The following ABHD12 variants were observed in gnomAD, a reference collection of about 807,000 sequenced individuals.
ABHD12 encodes the protein abhydrolase domain containing 12, lysophospholipase, also known as lysophosphatidylserine lipase ABHD12.
A neutral mutation model predicts 58.3 loss-of-function variants in ABHD12; 43 were observed. The observed-to-expected ratio is 0.74, with a 90% CI of 0.58 to 0.95. The LOEUF (loss-of-function observed/expected upper bound fraction) is 0.95, where lower values mean the gene tolerates loss of function less well. Among genes scored for constraint, ABHD12 ranks in the 40% least tolerant of loss-of-function variants. ABHD12 has a pLI of 0.00. For missense variants in ABHD12, 539 were observed against 537.2 expected, an observed-to-expected ratio of 1.00 and a Z score of -0.03; for synonymous variants, 219 against 211.2, an observed-to-expected ratio of 1.04 and a Z score of -0.32.
Position 25,348,976 on chromosome 20 carries a change from C to T in ABHD12, c.192-9625G>A, listed in dbSNP as rs543315236. 1.1e-3 allele frequency among the ~76,000 whole-genome samples: 158 copies of T among 149,992 alleles called. 1 individual carries two copies. The highest frequency in any genetic ancestry group is 2.8e-3 in the Admixed American group (42 of 14,930). On this transcript the variant is annotated intron_variant, in intron 1 of 12. Transcript: ENST00000339157. ...GCAGGCGCCTGTAGTCCCAGCCACT[C>T]GGGAGGCTGAGGCAGGAGAATGGTG...
At chr20:25,308,760 T>A (rs1462295287) in intron 7 of ABHD12, among the ~76,000 whole-genome samples, 1 of 152,030 alleles carries the variant, frequency 6.6e-6, no homozygotes, top group Admixed American at 6.5e-5. Flanking sequence ...GCCCGTACAC[T>A]CCCATTGGCC....
intron 1 of ABHD12, 23 bp downstream of exon 1, chr20:25,390,490 C>CGT: frequency 1.5e-6 from 2 of 1,339,592 alleles, no homozygotes; most frequent in Non-Finnish European, 1.9e-6. Flanking sequence ...CCCCCCCCCC[C>CGT]CCCGCTCCGC....
At chr20:25,295,765 C>G (rs1484126945), downstream of ABHD12, 5 of 1,397,648 alleles carry the variant, frequency 3.6e-6, no homozygotes, top group Non-Finnish European at 5.1e-6. Flanking sequence ...TGAGTAGATT[C>G]TTGGCCTGGG....
chr20:25,354,966 G>C (rs2089648501), intron 1 of ABHD12, among the ~76,000 whole-genome samples: 2 of 152,082 alleles, frequency 1.3e-5, no homozygotes, highest in Non-Finnish European at 2.9e-5. Context: ...AGATACTCAA[G>C]CATAATTAGA....
chr20:25,382,242 G>A (rs572579133), intron 1 of ABHD12, among the ~76,000 whole-genome samples: 3 of 152,200 alleles, frequency 2.0e-5, no homozygotes, highest in African/African-American at 4.8e-5. Flanking sequence ...AGGCCTAAAT[G>A]AGAAGTCTTG....
chr20:25,366,980 C>A (rs1277870481), intron 1 of ABHD12, among the ~76,000 whole-genome samples: 1 of 151,758 alleles, frequency 6.6e-6, no homozygotes, highest in Non-Finnish European at 1.5e-5. Context: ...TTGAATATAC[C>A]CTTGGTACGA....
intron 1 of ABHD12, among the ~76,000 whole-genome samples, chr20:25,354,472 G>A (rs2089642335): frequency 1.3e-5 from 2 of 152,164 alleles, no homozygotes; most frequent in South Asian, 2.1e-4. Context: ...TTTCAGCATC[G>A]ATTGCCACTG....
intron 1 of ABHD12, among the ~76,000 whole-genome samples, chr20:25,341,076 G>A (rs1335222782): frequency 6.6e-6 from 1 of 152,240 alleles, no homozygotes; most frequent in Non-Finnish European, 1.5e-5. Context: ...ATCCGATAAT[G>A]TAACTCATTC....
intron 1 of ABHD12, among the ~76,000 whole-genome samples, chr20:25,374,752 G>A (rs553921462): frequency 6.6e-6 from 1 of 151,972 alleles, no homozygotes; most frequent in African/African-American, 2.4e-5. Context: ...CTCCCGCCTC[G>A]GCCTCCCAAA....
At chr20:25,309,712 AC>A in intron 6 of ABHD12, 137 bp from the exon 7 acceptor site, 1 of 1,295,356 alleles carries the variant, frequency 7.7e-7, no homozygotes, top group Non-Finnish European at 1.1e-6. Context: ...GAGTCCACAG[AC>A]CCACCCAGGC....
At chr20:25,338,747 A>AT (rs914338268) in intron 2 of ABHD12, 162 of 967,900 alleles carry the variant, frequency 1.7e-4, no homozygotes, top group African/African-American at 3.9e-4. Context: ...AAAAGGCCTC[A>AT]TTTTTTTTTA....
chr20:25,316,989 C>T (rs1412358661), intron 5 of ABHD12, 59 bp downstream of exon 5: 72 of 1,517,834 alleles, frequency 4.7e-5, no homozygotes, highest in Non-Finnish European at 6.4e-5. Context: ...TGACTCCCTT[C>T]ACTTCCTGCC....
intron 1 of ABHD12, among the ~76,000 whole-genome samples, chr20:25,384,153 A>T (rs8125586): frequency 0.024 from 1,055 of 44,150 alleles, 6 homozygotes; most frequent in African/African-American, 0.1. Context: ...AAAAAAAAAA[A>T]AAGAAAAAAA....
At chr20:25,295,305 C>G (rs1357229303), downstream of ABHD12, among the ~76,000 whole-genome samples, 1 of 152,252 alleles carries the variant, frequency 6.6e-6, no homozygotes, top group Admixed American at 6.5e-5. Flanking sequence ...CCATGTGCAG[C>G]TCTAACTGCC....
downstream of ABHD12, chr20:25,300,142 G>A (rs2088608965): frequency 1.0e-6 from 1 of 960,446 alleles, no homozygotes; most frequent in Non-Finnish European, 1.2e-6. Context: ...GCGGCTAGAG[G>A]CTAGGCTGTG....
At chr20:25,351,861 G>A (rs990449783) in intron 1 of ABHD12, among the ~76,000 whole-genome samples, 5 of 152,012 alleles carry the variant, frequency 3.3e-5, no homozygotes, top group Admixed American at 2.6e-4. Context: ...AGATTGCACC[G>A]TTGCATCCCA....
rs184430653 is a variant in ABHD12 at position 25,311,674 on chromosome 20, A to C, written c.620-2099T>G. Among the ~76,000 whole-genome samples, 13 of 152,266 alleles carry C rather than the reference A, an allele frequency of 8.5e-5. No individual in the cohort carries two copies. The East Asian group carries it at 2.5e-3, about 29-fold the overall frequency. ...CAGCCACGTTGCCATCAACTCTTTA[A>C]TCTCTCCAGCTGAGGACTACATGGT... On this transcript the variant is annotated intron_variant, in intron 6 of 12. Coordinates refer to ENST00000339157, the MANE Select transcript of ABHD12 (RefSeq NM_001042472.3).
chr20:25,306,271 C>G (rs2088739245), intron 10 of ABHD12, among the ~76,000 whole-genome samples: 1 of 151,782 alleles, frequency 6.6e-6, no homozygotes, highest in African/African-American at 2.4e-5. Context: ...AATAAAACAA[C>G]TCTATGGACA....
intron 6 of ABHD12, among the ~76,000 whole-genome samples, chr20:25,311,605 G>A (rs1033896240): frequency 7.2e-5 from 11 of 152,238 alleles, no homozygotes; most frequent in Non-Finnish European, 1.6e-4. Context: ...CTCTTGGTCT[G>A]AGGATAGACA....
Sources: gnomAD v4.1 joint callset for allele counts (sites outside exome capture counted in the v4.1 genomes callset) on GRCh38, gnomAD v4.1.1 for gene constraint, MANE v1.5 for transcripts, NCBI Gene and HGNC (gene_info 2026-07-23, HGNC 2026-07-21) for gene names.